The following PPARGC1A variants were observed in gnomAD, a reference collection of about 807,000 sequenced individuals.
PPARGC1A encodes PPARG coactivator 1 alpha, also known as peroxisome proliferator-activated receptor gamma coactivator 1-alpha.
In PPARGC1A, 25 loss-of-function variants were observed where a neutral mutation model predicts 88.7. The observed-to-expected ratio is 0.28, with a 90% CI of 0.21 to 0.39. The LOEUF is 0.39. PPARGC1A is among the 10% of genes least tolerant of loss of function. The probability of loss-of-function intolerance (pLI) is 1.00; values close to 1 mark genes in which losing one functional copy is unlikely to be tolerated. For synonymous variants in PPARGC1A, 363 were observed against 355.6 expected (o/e 1.02, Z -0.24); for missense variants, 880 against 968.7 (o/e 0.91, Z 1.22).
At chr4:24,130,025 C>A in the PPARGC1A span, among the ~76,000 whole-genome samples, 2 of 152,090 alleles carry the variant, frequency 1.3e-5, no homozygotes, top group Non-Finnish European at 2.9e-5. Flanking sequence ...GGAGGGACAG[C>A]ATTTGGAGAT....
At chr4:24,347,600 G>T in the PPARGC1A span, among the ~76,000 whole-genome samples, 1 of 152,192 alleles carries the variant, frequency 6.6e-6, no homozygotes, top group South Asian at 2.1e-4. Context: ...TTGTCCATTT[G>T]TATGAAATGC....
the PPARGC1A span, among the ~76,000 whole-genome samples, chr4:24,123,939 T>C: frequency 6.9e-6 from 1 of 144,212 alleles, no homozygotes; most frequent in South Asian, 2.1e-4. Flanking sequence ...AAAAAACAGC[T>C]GTGACAGAAT....
chr4:24,134,338 ATTCC>A, the PPARGC1A span, among the ~76,000 whole-genome samples: 1 of 152,240 alleles, frequency 6.6e-6, no homozygotes, highest in Admixed American at 6.5e-5. Context: ...TCCTAAACTT[ATTCC>A]TTCTTTTTCA....
At chr4:24,199,583 A>T in the PPARGC1A span, among the ~76,000 whole-genome samples, 123 of 152,280 alleles carry the variant, frequency 8.1e-4, no homozygotes, top group South Asian at 3.1e-3. Context: ...TAGCAATGGT[A>T]AGATGGCTAC....
At chr4:24,051,187 CAAAAAAAAAAA>C in the PPARGC1A span, among the ~76,000 whole-genome samples, 7 of 58,618 alleles carry the variant, frequency 1.2e-4, no homozygotes, top group African/African-American at 3.6e-4. Flanking sequence ...GACTCTGTCT[CAAAAAAAAAAA>C]AAAAAAAAAA....
the PPARGC1A span, among the ~76,000 whole-genome samples, chr4:24,297,428 GCA>G: frequency 2.6e-5 from 4 of 152,014 alleles, no homozygotes; most frequent in African/African-American, 4.8e-5. Flanking sequence ...CCACGAATTC[GCA>G]CAGCTTTTAG....
the PPARGC1A span, among the ~76,000 whole-genome samples, chr4:23,917,500 T>G: frequency 1.3e-5 from 2 of 152,052 alleles, no homozygotes; most frequent in African/African-American, 4.8e-5. Flanking sequence ...ATTTTTTGTA[T>G]TTTTAGTAGA....
the PPARGC1A span, among the ~76,000 whole-genome samples, chr4:24,387,904 G>GAGAAAGAAAGAAAGAAAGAAAGAA: frequency 1.7e-3 from 44 of 25,232 alleles, 1 homozygote; most frequent in Admixed American, 4.9e-3. Flanking sequence ...GAAAAAGAAA[G>GAGAAAGAAAGAAAGAAAGAAAGAA]AGAAAGAAAG....
chr4:24,012,892 AG>A, the PPARGC1A span, among the ~76,000 whole-genome samples: 26 of 152,294 alleles, frequency 1.7e-4, no homozygotes, highest in Non-Finnish European at 1.5e-5. Context: ...TGATTGAGCA[AG>A]TATTTCCAGA....
the PPARGC1A span, among the ~76,000 whole-genome samples, chr4:23,948,058 A>G: frequency 5.8e-3 from 882 of 152,206 alleles, 44 homozygotes; most frequent in East Asian, 0.095. Context: ...TGCCTTCTGA[A>G]TTCTTATCAG....
the PPARGC1A span, among the ~76,000 whole-genome samples, chr4:23,977,931 T>C: frequency 6.6e-6 from 1 of 152,238 alleles, no homozygotes; most frequent in African/African-American, 2.4e-5. Context: ...GTTTGTCTTC[T>C]GTTTTCAGAA....
At chr4:24,253,627 C>A in the PPARGC1A span, among the ~76,000 whole-genome samples, 441 of 152,298 alleles carry the variant, frequency 2.9e-3, 3 homozygotes, top group African/African-American at 0.01. Context: ...AGGGCCTGGG[C>A]CATGGAGACA....
the PPARGC1A span, among the ~76,000 whole-genome samples, chr4:24,434,037 C>G: frequency 3.2e-4 from 48 of 152,332 alleles, no homozygotes; most frequent in African/African-American, 1.1e-3. Flanking sequence ...AACATCTTGC[C>G]ATCTCCACGT....
chr4:24,247,552 T>A, the PPARGC1A span, among the ~76,000 whole-genome samples: 2 of 152,172 alleles, frequency 1.3e-5, no homozygotes, highest in Non-Finnish European at 2.9e-5. Context: ...AAGAGCAGCA[T>A]AATTTACGCC....
At chr4:23,798,195 C>A (rs775628561) in intron 12 of PPARGC1A, among the ~76,000 whole-genome samples, 1 of 152,172 alleles carries the variant, frequency 6.6e-6, no homozygotes, top group Non-Finnish European at 1.5e-5. Flanking sequence ...AAATAAACAG[C>A]TTTACTGCTC....
At chr4:24,176,222 G>C in the PPARGC1A span, among the ~76,000 whole-genome samples, 1 of 152,196 alleles carries the variant, frequency 6.6e-6, no homozygotes, top group Admixed American at 6.5e-5. Flanking sequence ...CTGTAACTCA[G>C]TTGCTATCAT....
At chr4:24,361,145 A>G in the PPARGC1A span, among the ~76,000 whole-genome samples, 1 of 152,058 alleles carries the variant, frequency 6.6e-6, no homozygotes, top group African/African-American at 2.4e-5. Context: ...GGGCAGGGAC[A>G]AGAAGGAAGA....
intron 10 of PPARGC1A, among the ~76,000 whole-genome samples, chr4:23,804,665 C>T (rs912326301): frequency 1.3e-5 from 2 of 152,184 alleles, no homozygotes; most frequent in African/African-American, 4.8e-5. Context: ...TGGGCTTTAT[C>T]TCTTATATCG....
the PPARGC1A span, among the ~76,000 whole-genome samples, chr4:24,049,994 G>A: frequency 2.6e-5 from 4 of 152,166 alleles, no homozygotes; most frequent in South Asian, 8.3e-4. Context: ...TAATCAAGGA[G>A]TGACAGTGTA....
Sources: gnomAD v4.1 joint callset for allele counts (sites outside exome capture counted in the v4.1 genomes callset) on GRCh38, gnomAD v4.1.1 for gene constraint, MANE v1.5 for transcripts, NCBI Gene and HGNC (gene_info 2026-07-23, HGNC 2026-07-21) for gene names.